Variants in SOWAHA observed in about 807,000 individuals in gnomAD.
SOWAHA encodes ankyrin repeat domain-containing protein SOWAHA.
Under a neutral mutation model 21.1 loss-of-function variants are expected in SOWAHA, and 17 were observed. The observed-to-expected ratio is 0.80, with a 90% CI of 0.55 to 1.21. SOWAHA has a LOEUF of 1.21. Among genes scored for constraint, SOWAHA ranks in the 50% most tolerant of loss-of-function variants. SOWAHA has a pLI of 0.00. For missense variants in SOWAHA, 862 were observed against 816.0 expected (o/e 1.06, Z -0.69); for synonymous variants, 422 against 397.1 (o/e 1.06, Z -0.75).
At position 132,815,239 on chromosome 5, in the gene SOWAHA, G is replaced by A. The variant is rs766941183; in HGVS notation, c.1618G>A (p.Gly540Ser). Reference sequence around the variant, plus strand: ...TCGACCTACTCCGGGGCCTTTAGCTGGTCTAGTGCCCAGTTTGCCTCCAAC... The same window carrying A: ...TCGACCTACTCCGGGGCCTTTAGCTAGTCTAGTGCCCAGTTTGCCTCCAAC... ...SRRPTPGPLA[G>S]LVPSLPPTT The change falls in exon 1 of 1, where the codon GGT becomes AGT. Residue 540 changes from glycine to serine, a missense_variant. Physicochemically the swap from Gly to Ser is moderately conservative, Grantham distance 56. Coordinates refer to ENST00000378693, the MANE Select transcript of SOWAHA (RefSeq NM_175873.6). The A allele has an allele frequency of 3.7e-6, 6 of 1,612,548 alleles. No homozygotes were observed. The Admixed American group carries it at 8.3e-5, about 22-fold the overall frequency.
In SOWAHA at chr5:132,814,796, C is replaced by T; in HGVS notation, c.1175C>T (p.Ala392Val). 6.5e-7 allele frequency: 1 copy of T among 1,528,120 alleles called. No homozygotes were observed. The highest frequency in any genetic ancestry group is 8.8e-7 in the Non-Finnish European group (1 of 1,141,034). 94.7% of individuals were successfully genotyped at this position (1,528,120 alleles called of 1,614,324 possible). The stretch of plus-strand genomic sequence containing the variant: ...GGCGGCTACACGCCGCTGCACCTGG[C>T]TGCACTGCACGGCCACGAGGACGCT... ...SHGGYTPLHL[A>V]ALHGHEDAAV... The change falls in exon 1 of 1, where the codon GCT becomes GTT. Residue 392 changes from alanine to valine, a missense_variant. Physicochemically the swap from Ala to Val is moderately conservative, Grantham distance 64. Coordinates refer to ENST00000378693, the MANE Select transcript of SOWAHA (RefSeq NM_175873.6).
At position 132,814,241 on chromosome 5, in the gene SOWAHA, C is replaced by A; in HGVS notation, c.620C>A (p.Ala207Glu). 1 of 1,538,616 alleles carries A rather than the reference C, an allele frequency of 6.5e-7. No individual in the cohort carries two copies. Among genetic ancestry groups the A allele is most frequent in the South Asian group, 1.2e-5 (1 of 84,570 alleles). Residue 207 changes from alanine (A) to glutamate (E), a missense_variant, in exon 1 of 1, where the codon GCA (alanine) becomes GAA (glutamate). By Grantham distance (107) the Ala-to-Glu change is moderately radical (BLOSUM62 -1). Coordinates refer to ENST00000378693, the MANE Select transcript of SOWAHA (RefSeq NM_175873.6). Reference protein sequence around the residue: ...DPPDAEPGPGAAKGPPQQKPC... With the variant: ...DPPDAEPGPGEAKGPPQQKPC... ...CCAGACGCGGAGCCCGGGCCCGGGG[C>A]AGCGAAAGGGCCGCCGCAGCAGAAG...
chr5:132,813,390 C>G lies in SOWAHA; in HGVS notation c.-232C>G, dbSNP rs1758322795. Among the ~76,000 whole-genome samples the G allele has an allele frequency of 6.6e-6, 1 of 151,770 alleles. No individual in the cohort carries two copies. Among genetic ancestry groups the G allele is most frequent in the African/African-American group, 2.4e-5 (1 of 41,380 alleles). ...AGAAACCTACCCCGAAGGCCGGGGC[C>G]CGGCGGGGCGCTGGGGGTGGGCGCT... On this transcript the variant is annotated 5_prime_UTR_variant, in exon 1 of 1. Coordinates refer to ENST00000378693, the MANE Select transcript of SOWAHA (RefSeq NM_175873.6).
In SOWAHA at chr5:132,813,781, C is replaced by T; in HGVS notation, c.160C>T (p.Arg54Cys). 1.9e-6 allele frequency: 3 copies of T among 1,548,368 alleles called. No homozygotes were observed. Among genetic ancestry groups the T allele is most frequent in the Non-Finnish European group, 2.6e-6 (3 of 1,145,968 alleles). ...DAGDPRGRAA[R>C]RDRFKQFVNN... The stretch of plus-strand genomic sequence containing the variant: ...CGGCGACCCGCGGGGCCGCGCCGCC[C>T]GCAGGGACCGCTTCAAGCAGTTCGT... The change falls in exon 1 of 1, where the codon CGC (arginine) becomes TGC (cysteine). Residue 54 changes from arginine to cysteine, a missense_variant. Physicochemically the swap from Arg to Cys is radical, Grantham distance 180. Coordinates refer to ENST00000378693, the MANE Select transcript of SOWAHA (RefSeq NM_175873.6).
chr5:132,814,587 C>T lies in SOWAHA; in HGVS notation c.966C>T (p.Arg322=), dbSNP rs1371842233. 5.4e-6 allele frequency: 8 copies of T among 1,492,632 alleles called. No individual in the cohort carries two copies. Among genetic ancestry groups the T allele is most frequent in the Non-Finnish European group, 7.1e-6 (8 of 1,128,562 alleles). The allele number at this position is 1,492,632 out of a possible 1,614,324, so 92.5% of individuals were successfully genotyped here. The part of the protein sequence containing the change: ...HEWLVRTAGG[R]WTHQLHGLLL... Reference sequence around the variant, plus strand: ...GGCTCGTGCGGACTGCCGGGGGCCGCTGGACCCACCAGCTGCACGGGCTGC... The same window carrying T: ...GGCTCGTGCGGACTGCCGGGGGCCGTTGGACCCACCAGCTGCACGGGCTGC... The change falls in exon 1 of 1, where the codon CGC becomes CGT. Residue 322 remains arginine, a synonymous_variant. Coordinates refer to ENST00000378693, the MANE Select transcript of SOWAHA (RefSeq NM_175873.6).
Position 132,813,994 on chromosome 5 carries a change from G to C in SOWAHA, c.373G>C (p.Val125Leu). ...CCCGGGAGCTCCGCCCTTGGTCCGGGTGCCGCGGCCAGTGGAGCCGCCAGG... is the reference window on the plus strand; with the variant it reads ...CCCGGGAGCTCCGCCCTTGGTCCGGCTGCCGCGGCCAGTGGAGCCGCCAGG... The part of the protein sequence containing the change: ...SAPGAPPLVR[V>L]PRPVEPPGDL... Residue 125 changes from valine (V) to leucine (L), a missense_variant, in exon 1 of 1, where the codon GTG (valine) becomes CTG (leucine). Physicochemically the swap from Val to Leu is conservative, Grantham distance 32 (BLOSUM62 1). Transcript: ENST00000378693. 6.5e-7 allele frequency: 1 copy of C among 1,542,852 alleles called. No individual in the cohort carries two copies. The highest frequency in any genetic ancestry group is 8.7e-7 in the Non-Finnish European group (1 of 1,146,236).
Position 132,813,595 on chromosome 5 carries a change from C to CGGGAGCCA in SOWAHA, c.-24_-17dup. On this transcript the variant is annotated 5_prime_UTR_variant, in exon 1 of 1. Transcript: ENST00000378693. Reference sequence around the variant, plus strand: ...GCGGCGACGCGGCGCCCACCCGCCCCGGGAGCCAGGAACCCAGGGCCCCAC... The same window carrying CGGGAGCCA: ...GCGGCGACGCGGCGCCCACCCGCCCCGGGAGCCAGGGAGCCAGGAACCCAGGGCCCCAC... 2 of 1,212,452 alleles carry CGGGAGCCA rather than the reference C, an allele frequency of 1.6e-6. No homozygotes were observed. Among genetic ancestry groups the CGGGAGCCA allele is most frequent in the Non-Finnish European group, 2.1e-6 (2 of 975,098 alleles). 75.1% of individuals were successfully genotyped at this position (1,212,452 alleles called of 1,614,324 possible).
chr5:132,814,776 C>A lies in SOWAHA; in HGVS notation c.1155C>A (p.Gly385=). Residue 385 remains glycine, a synonymous_variant, in exon 1 of 1, where the codon GGC becomes GGA. Coordinates refer to ENST00000378693, the MANE Select transcript of SOWAHA (RefSeq NM_175873.6). ...ACGTGAACGCACGCTCCCACGGCGG[C>A]TACACGCCGCTGCACCTGGCTGCAC... ...PVDVNARSHG[G]YTPLHLAALH... 6.5e-7 allele frequency: 1 copy of A among 1,530,088 alleles called. No individual in the cohort carries two copies. Among genetic ancestry groups the A allele is most frequent in the South Asian group, 1.2e-5 (1 of 83,176 alleles). The allele number at this position is 1,530,088 out of a possible 1,614,324, so 94.8% of individuals were successfully genotyped here.
chr5:132,814,714 C>G lies in SOWAHA; in HGVS notation c.1093C>G (p.Leu365Val). The G allele has an allele frequency of 6.6e-7, 1 of 1,510,716 alleles. No homozygotes were observed. The highest frequency in any genetic ancestry group is 2.5e-5 in the East Asian group (1 of 40,050). 93.6% of individuals were successfully genotyped at this position (1,510,716 alleles called of 1,614,324 possible). ...KSGDGEMALQLVEVARRSGAP... is the reference protein window; with the variant it reads ...KSGDGEMALQVVEVARRSGAP... ...CGGCGACGGCGAGATGGCGCTGCAGCTGGTGGAGGTCGCGCGGCGCAGTGG... is the reference window on the plus strand; with the variant it reads ...CGGCGACGGCGAGATGGCGCTGCAGGTGGTGGAGGTCGCGCGGCGCAGTGG... Residue 365 changes from leucine to valine, a missense_variant, in exon 1 of 1, where the codon CTG becomes GTG. By Grantham distance (32) the Leu-to-Val change is conservative. Coordinates refer to ENST00000378693, the MANE Select transcript of SOWAHA (RefSeq NM_175873.6).
At position 132,814,891 on chromosome 5, in the gene SOWAHA, C is replaced by A. The variant is rs1252170690; in HGVS notation, c.1270C>A (p.Gln424Lys). 6.5e-7 allele frequency: 1 copy of A among 1,541,264 alleles called. No individual in the cohort carries two copies. The highest frequency in any genetic ancestry group is 1.2e-5 in the South Asian group (1 of 84,016). Residue 424 changes from glutamine to lysine, a missense_variant, in exon 1 of 1, where the codon CAG becomes AAG. Gln to Lys is a moderately conservative substitution (Grantham distance 53, BLOSUM62 1). Coordinates refer to ENST00000378693, the MANE Select transcript of SOWAHA (RefSeq NM_175873.6). Reference sequence around the variant, plus strand: ...TGATCACAGCGGGCGTCGCGCCTACCAGTACCTGCGGCCCGGCTCCTCGTA... The same window carrying A: ...TGATCACAGCGGGCGTCGCGCCTACAAGTACCTGCGGCCCGGCTCCTCGTA... ...VRDHSGRRAY[Q>K]YLRPGSSYAL...
rs552564832 is a variant in SOWAHA at position 132,816,018 on chromosome 5, C to T, written c.*747C>T. Reference sequence around the variant, plus strand: ...ACTGTGAATGCTAAATATTTGCAAACAAGTACATCTTGAAAGTAAAGGTGA... The same window carrying T: ...ACTGTGAATGCTAAATATTTGCAAATAAGTACATCTTGAAAGTAAAGGTGA... On this transcript the variant is annotated 3_prime_UTR_variant, in exon 1 of 1. Coordinates refer to ENST00000378693, the MANE Select transcript of SOWAHA (RefSeq NM_175873.6). 1 of 166,994 alleles carries T rather than the reference C, an allele frequency of 6.0e-6. No individual in the cohort carries two copies. Among genetic ancestry groups the T allele is most frequent in the Non-Finnish European group, 1.5e-5 (1 of 68,116 alleles). 10.3% of individuals were successfully genotyped at this position (166,994 alleles called of 1,614,324 possible).
rs1430466424 is a variant in SOWAHA, at chr5:132,813,954, G to A, written c.333G>A (p.Pro111=). The change falls in exon 1 of 1, where the codon CCG becomes CCA. Residue 111 remains proline (P), a synonymous_variant. Transcript: ENST00000378693. Reference sequence around the variant, plus strand: ...CGAAACCCACTTCGACGGTCTTGCCGCGGAGCGCCTCTGCCCCGGGAGCTC... The same window carrying A: ...CGAAACCCACTTCGACGGTCTTGCCACGGAGCGCCTCTGCCCCGGGAGCTC... ...QPSKPTSTVL[P]RSASAPGAPP... The A allele has an allele frequency of 9.1e-6, 14 of 1,545,198 alleles. No homozygotes were observed. Among genetic ancestry groups the A allele is most frequent in the East Asian group, 7.4e-5 (3 of 40,660 alleles).
Position 132,815,829 on chromosome 5 carries a change from T to G in SOWAHA, c.*558T>G, listed in dbSNP as rs924991309. ...TTCAATTTTTTTTTTGCTAAATACT[T>G]TGGAATTCTATTTAAAAAATAGATG... On this transcript the variant is annotated 3_prime_UTR_variant, in exon 1 of 1. Coordinates refer to ENST00000378693, the MANE Select transcript of SOWAHA (RefSeq NM_175873.6). The G allele has an allele frequency of 6.0e-6, 1 of 166,788 alleles. No individual in the cohort carries two copies. Among genetic ancestry groups the G allele is most frequent in the African/African-American group, 2.4e-5 (1 of 41,464 alleles). 10.3% of individuals were successfully genotyped at this position (166,788 alleles called of 1,614,324 possible). A position where few individuals can be genotyped will look rare whatever the true frequency, so the allele number is the denominator to read the frequency against.
In SOWAHA at chr5:132,815,350, A is replaced by G. The variant is rs775076213; in HGVS notation, c.*79A>G. On this transcript the variant is annotated 3_prime_UTR_variant, in exon 1 of 1. Transcript: ENST00000378693. ...CAAACCCGCCCAAGACTGCAGCCCA[A>G]TCAACGCCTGGAGCCTCATTCTGTT... The G allele has an allele frequency of 1.5e-5, 19 of 1,265,958 alleles. No homozygotes were observed. The highest frequency in any genetic ancestry group is 3.0e-5 in the South Asian group (2 of 67,286). The allele number at this position is 1,265,958 out of a possible 1,614,324, so 78.4% of individuals were successfully genotyped here.
At position 132,814,013 on chromosome 5, in the gene SOWAHA, C is replaced by T. The variant is rs186130812; in HGVS notation, c.392C>T (p.Pro131Leu). ...GTCCGGGTGCCGCGGCCAGTGGAGC[C>T]GCCAGGGGACCTGGGTCTGCCAACA... Reference protein sequence around the residue: ...PLVRVPRPVEPPGDLGLPTEP... With the variant: ...PLVRVPRPVELPGDLGLPTEP... The change falls in exon 1 of 1, where the codon CCG becomes CTG. Residue 131 changes from proline to leucine, a missense_variant. Transcript: ENST00000378693. 1,316 of 1,543,874 alleles carry T rather than the reference C, an allele frequency of 8.5e-4. 16 individuals are homozygous for T. The African/African-American group carries it at 0.015, about 18-fold the overall frequency.
In SOWAHA at chr5:132,813,627, GC is replaced by G. The variant is rs1758326887; in HGVS notation, c.7del (p.Leu3TrpfsTer12). ...CAGGAACCCAGGGCCCCACCATGGC[GC>G]TGGCCGCCGCCGCCGCCGCTGCGGC... MA[L>X]AAAAAAAAAG... is the part of the protein sequence containing the mutation. On this transcript the variant is annotated frameshift_variant, in exon 1 of 1. Transcript: ENST00000378693. LOFTEE classifies it low-confidence loss of function (END_TRUNC). 1 of 888,310 alleles carries G rather than the reference GC, an allele frequency of 1.1e-6. No homozygotes were observed. Among genetic ancestry groups the G allele is most frequent in the Non-Finnish European group, 1.5e-6 (1 of 651,112 alleles). The allele number at this position is 888,310 out of a possible 1,614,324, so 55.0% of individuals were successfully genotyped here. A position where few individuals can be genotyped will look rare whatever the true frequency, so the allele number is the denominator to read the frequency against.
In SOWAHA at chr5:132,813,594, C is replaced by A. The variant is rs1758326083; in HGVS notation, c.-28C>A. ...CGCGGCGACGCGGCGCCCACCCGCC[C>A]CGGGAGCCAGGAACCCAGGGCCCCA... On this transcript the variant is annotated 5_prime_UTR_variant, in exon 1 of 1. Transcript: ENST00000378693. The A allele has an allele frequency of 1.2e-5, 14 of 1,211,812 alleles. No individual in the cohort carries two copies. The East Asian group carries it at 4.8e-4, about 41-fold the overall frequency. 75.1% of individuals were successfully genotyped at this position (1,211,812 alleles called of 1,614,324 possible).
In SOWAHA at chr5:132,814,264, A is replaced by AAT; in HGVS notation, c.644_645insTA (p.Lys215AsnfsTer43). 6.5e-7 allele frequency: 1 copy of AAT among 1,528,196 alleles called. No homozygotes were observed. The highest frequency in any genetic ancestry group is 8.7e-7 in the Non-Finnish European group (1 of 1,144,854). The allele number at this position is 1,528,196 out of a possible 1,614,324, so 94.7% of individuals were successfully genotyped here. A position where few individuals can be genotyped will look rare whatever the true frequency, so the allele number is the denominator to read the frequency against. ...GGCAGCGAAAGGGCCGCCGCAGCAG[A>AAT]AGCCCTGTATGCTGCCGGTGCGCTG... On this transcript the variant is annotated frameshift_variant, in exon 1 of 1. Coordinates refer to ENST00000378693, the MANE Select transcript of SOWAHA (RefSeq NM_175873.6). LOFTEE classifies it high-confidence loss of function.
Position 132,813,569 on chromosome 5 carries a change from C to T in SOWAHA, c.-53C>T. On this transcript the variant is annotated 5_prime_UTR_variant, in exon 1 of 1. Transcript: ENST00000378693. ...CCCGGAACCCCGCTCCCGCGCGTCC[C>T]GCGGCGACGCGGCGCCCACCCGCCC... 21 of 1,139,442 alleles carry T rather than the reference C, an allele frequency of 1.8e-5. No individual in the cohort carries two copies. Among genetic ancestry groups the T allele is most frequent in the Non-Finnish European group, 2.2e-5 (20 of 923,142 alleles). The allele number at this position is 1,139,442 out of a possible 1,614,324, so 70.6% of individuals were successfully genotyped here.
Sources: gnomAD v4.1 joint callset for allele counts (sites outside exome capture counted in the v4.1 genomes callset) on GRCh38, gnomAD v4.1.1 for gene constraint, MANE v1.5 for transcripts, NCBI Gene and HGNC (gene_info 2026-07-23, HGNC 2026-07-21) for gene names.